Variants in CDH8 observed in about 807,000 individuals in gnomAD.
CDH8 encodes the protein cadherin 8, also known as cadherin-8.
CDH8 carries 17 observed loss-of-function variants against 68.1 expected under a neutral mutation model. The ratio of observed to expected loss-of-function variants is 0.25; its 90% CI spans 0.17 to 0.37. CDH8 has a LOEUF of 0.37. CDH8 is among the 10% of genes least tolerant of loss of function. The pLI is 1.00. For missense variants in CDH8, 763 were observed against 999.3 expected (o/e 0.76, Z 3.19); for synonymous variants, 372 against 365.1 (o/e 1.02, Z -0.21).
chr16:61,842,493 C>T (rs1042266968), intron 4 of CDH8, among the ~76,000 whole-genome samples: 4 of 152,104 alleles, frequency 2.6e-5, no homozygotes, highest in African/African-American at 9.7e-5. Context: ...TCTTGGACTT[C>T]CCAGCCTCCA....
At chr16:61,927,142 C>G (rs1964468603) in intron 2 of CDH8, among the ~76,000 whole-genome samples, 1 of 152,150 alleles carries the variant, frequency 6.6e-6, no homozygotes, top group African/African-American at 2.4e-5. Context: ...CAACCCCAAT[C>G]CCAGCTTTGC....
intron 10 of CDH8, among the ~76,000 whole-genome samples, chr16:61,695,968 T>C (rs992851137): frequency 6.6e-6 from 1 of 152,124 alleles, no homozygotes; most frequent in African/African-American, 2.4e-5. Flanking sequence ...TGATAGCAGA[T>C]CTTGATATAA....
intron 4 of CDH8, among the ~76,000 whole-genome samples, chr16:61,840,061 A>T (rs1248805312): frequency 1.3e-5 from 2 of 152,106 alleles, no homozygotes; most frequent in Non-Finnish European, 2.9e-5. Flanking sequence ...ATCTTCCCAC[A>T]CTAAAATACA....
intron 2 of CDH8, among the ~76,000 whole-genome samples, chr16:61,901,876 C>CT (rs1209392017): frequency 6.6e-6 from 1 of 151,964 alleles, no homozygotes; most frequent in Non-Finnish European, 1.5e-5. Flanking sequence ...TAATCATATC[C>CT]TTTTTATTTA....
intron 2 of CDH8, among the ~76,000 whole-genome samples, chr16:61,941,256 AC>A (rs1421787266): frequency 6.6e-6 from 1 of 152,174 alleles, no homozygotes; most frequent in Non-Finnish European, 1.5e-5. Flanking sequence ...TGTGGCTAAT[AC>A]CTTTTTTCCT....
At chr16:61,813,474 G>GC (rs1239824368) in intron 7 of CDH8, among the ~76,000 whole-genome samples, 2 of 152,122 alleles carry the variant, frequency 1.3e-5, no homozygotes, top group African/African-American at 4.8e-5. Flanking sequence ...GGCCTGCCCC[G>GC]CAAGTGTTTA....
intron 8 of CDH8, among the ~76,000 whole-genome samples, chr16:61,752,484 G>C (rs533176804): frequency 5.9e-5 from 9 of 152,214 alleles, no homozygotes; most frequent in African/African-American, 2.2e-4. Context: ...TTAGGCTTGG[G>C]TTATTAACTT....
chr16:61,991,235 G>A (rs1407897753), intron 2 of CDH8, among the ~76,000 whole-genome samples: 1 of 152,298 alleles, frequency 6.6e-6, no homozygotes, highest in Admixed American at 6.5e-5. Context: ...AGCAGGGGCG[G>A]AAGGGAAGGA....
rs139914620 is a variant in CDH8 at position 61,916,920 on chromosome 16, C to A, written c.253-15447G>T. Among the ~76,000 whole-genome samples, 213 of 152,222 alleles carry A rather than the reference C, an allele frequency of 1.4e-3. 6 individuals carry two copies. In the East Asian group the frequency reaches 0.038, roughly 27 times the overall value. On this transcript the variant is annotated intron_variant, in intron 2 of 11. Transcript: ENST00000577390. ...GATAAATATGTAGACTTCACTTTGT[C>A]ATATTATGAAGTGCTGACATTAAAG...
chr16:61,908,296 A>T (rs75978242), intron 2 of CDH8, among the ~76,000 whole-genome samples: 2,520 of 152,320 alleles, frequency 0.017, 69 homozygotes, highest in African/African-American at 0.057. Flanking sequence ...TCAATATCAA[A>T]GATGGGACCA....
chr16:61,657,739 T>C (rs1963476405), intron 10 of CDH8, among the ~76,000 whole-genome samples: 1 of 152,076 alleles, frequency 6.6e-6, no homozygotes, highest in Non-Finnish European at 1.5e-5. Flanking sequence ...AAAACTGAAA[T>C]GAGGCTATTG....
At chr16:61,833,781 A>C (rs141950994) in intron 4 of CDH8, among the ~76,000 whole-genome samples, 20 of 151,986 alleles carry the variant, frequency 1.3e-4, no homozygotes, top group Non-Finnish European at 2.2e-4. Flanking sequence ...GATCTCTTAA[A>C]ATTCCATGCA....
At chr16:61,953,782 T>C (rs1354721007) in intron 2 of CDH8, among the ~76,000 whole-genome samples, 1 of 150,674 alleles carries the variant, frequency 6.6e-6, no homozygotes, top group Non-Finnish European at 1.5e-5. Flanking sequence ...GGCGGGAGAA[T>C]CGCTTGAGCC....
chr16:61,745,733 A>C (rs1208613718), intron 8 of CDH8, among the ~76,000 whole-genome samples: 4 of 151,852 alleles, frequency 2.6e-5, no homozygotes, highest in African/African-American at 9.7e-5. Context: ...CTTTGGGCAA[A>C]GTATCCATCT....
rs71134375 is a variant in CDH8 at position 61,751,382 on chromosome 16, T to TAAAAAAAAAAAAAA, written c.1415-24181_1415-24168dup. ...CACAAATGTCCTTCCATATTCTCCT[T>TAAAAAAAAAAAAAA]AAAAAAAAAAAAAAAAAAAAAAAAA... On this transcript the variant is annotated intron_variant, in intron 8 of 11. Transcript: ENST00000577390. Among the ~76,000 whole-genome samples the TAAAAAAAAAAAAAA allele has an allele frequency of 2.4e-4, 13 of 54,152 alleles. 2 individuals carry two copies. The highest frequency in any genetic ancestry group is 5.5e-4 in the African/African-American group (7 of 12,740). 35.5% of individuals were successfully genotyped at this position (54,152 alleles called of 152,430 possible).
intron 3 of CDH8, among the ~76,000 whole-genome samples, chr16:61,878,329 C>T (rs1963501726): frequency 2.6e-5 from 4 of 152,080 alleles, no homozygotes; most frequent in Admixed American, 2.6e-4. Flanking sequence ...GAAGTCATAC[C>T]TACCTTAAAA....
chr16:61,878,433 G>C (rs1303584587), intron 3 of CDH8, among the ~76,000 whole-genome samples: 2 of 152,160 alleles, frequency 1.3e-5, no homozygotes, highest in African/African-American at 2.4e-5. Flanking sequence ...TCTATGAGAA[G>C]GGTTATGGTA....
At chr16:61,694,092 A>G (rs1236000489) in intron 10 of CDH8, among the ~76,000 whole-genome samples, 2 of 152,208 alleles carry the variant, frequency 1.3e-5, no homozygotes, top group Non-Finnish European at 2.9e-5. Flanking sequence ...AGAAAGTGGC[A>G]GAGTGAGGAA....
intron 3 of CDH8, among the ~76,000 whole-genome samples, chr16:61,866,645 CTGAGATCA>C (rs1356052738): frequency 6.6e-6 from 1 of 151,912 alleles, no homozygotes. Flanking sequence ...TTTGATTATA[CTGAGATCA>C]TATTCTACAT....
Sources: gnomAD v4.1 joint callset for allele counts (sites outside exome capture counted in the v4.1 genomes callset) on GRCh38, gnomAD v4.1.1 for gene constraint, MANE v1.5 for transcripts, NCBI Gene and HGNC (gene_info 2026-07-23, HGNC 2026-07-21) for gene names.